The following PRR14L variants were observed in gnomAD, a reference collection of about 807,000 sequenced individuals.
The protein encoded by PRR14L is protein PRR14L.
A neutral mutation model predicts 155.0 loss-of-function variants in PRR14L; 80 were observed. The ratio of observed to expected loss-of-function variants is 0.52; its 90% CI spans 0.43 to 0.62. PRR14L has a LOEUF of 0.62. Among genes scored for constraint, PRR14L ranks in the 20% least tolerant of loss-of-function variants. The pLI, the probability that PRR14L is intolerant of heterozygous loss-of-function variation, is 0.00. For missense variants in PRR14L, 2,469 were observed against 2,548.0 expected, an observed-to-expected ratio of 0.97 and a Z score of 0.67; for synonymous variants, 883 against 916.0, an observed-to-expected ratio of 0.96 and a Z score of 0.65.
intron 7 of PRR14L, among the ~76,000 whole-genome samples, chr22:31,690,612 G>A (rs2074506169): frequency 6.6e-6 from 1 of 151,908 alleles, no homozygotes; most frequent in East Asian, 1.9e-4. Flanking sequence ...AGCTTCCCAA[G>A]TAGCTGGGAC....
chr22:31,718,640 TCTC>T (rs1329444701), intron 3 of PRR14L, among the ~76,000 whole-genome samples: 3 of 152,142 alleles, frequency 2.0e-5, no homozygotes, highest in Non-Finnish European at 2.9e-5. Flanking sequence ...CCTCAGGTGA[TCTC>T]CTATTAGTTC....
At chr22:31,698,998 T>C (rs1013783768) in intron 7 of PRR14L, among the ~76,000 whole-genome samples, 8 of 152,148 alleles carry the variant, frequency 5.3e-5, no homozygotes, top group Admixed American at 5.2e-4. Flanking sequence ...CTTTCTACCA[T>C]ACTCCTCACT....
Position 31,701,812 on chromosome 22 carries a change from T to C in PRR14L, c.6001-50A>G, listed in dbSNP as rs775199773. On this transcript the variant is annotated intron_variant, in intron 6 of 8. Transcript: ENST00000327423. ...GATGGTCAAGCTGTAAGACATTTTA[T>C]TTATATATTTTTTGAGACAAGGTCT... The C allele has an allele frequency of 2.1e-6, 3 of 1,444,100 alleles. No individual in the cohort carries two copies. The African/African-American group carries it at 4.3e-5, about 21-fold the overall frequency. 89.5% of individuals were successfully genotyped at this position (1,444,100 alleles called of 1,614,324 possible). A position where few individuals can be genotyped will look rare whatever the true frequency, so the allele number is the denominator to read the frequency against.
chr22:31,743,197 G>A (rs780052116), intron 1 of PRR14L, among the ~76,000 whole-genome samples: 6 of 152,120 alleles, frequency 3.9e-5, no homozygotes, highest in Non-Finnish European at 7.3e-5. Flanking sequence ...AGCTGCTCTG[G>A]AGGCTGAGGC....
intron 5 of PRR14L, chr22:31,704,443 T>TA: frequency 2.6e-6 from 1 of 392,036 alleles, no homozygotes; most frequent in African/African-American, 2.1e-5. Context: ...TTTTTTTTTT[T>TA]AACAAATTGT....
At position 31,713,247 on chromosome 22, in the gene PRR14L, T is replaced by C. The variant is rs1173599873; in HGVS notation, c.4592A>G (p.Tyr1531Cys). The C allele has an allele frequency of 2.6e-6, 4 of 1,552,000 alleles. No individual in the cohort carries two copies. In the South Asian group the frequency reaches 3.6e-5, roughly 14 times the overall value. ...QPHRTCKKVS[Y>C]QEQIIVGRKI... The stretch of plus-strand genomic sequence containing the variant: ...TCTCCCAACAATGATTTGCTCCTGA[T>C]AGGAAACTTTCTTACAAGTTCGATG... Residue 1531 changes from tyrosine to cysteine, a missense_variant, in exon 4 of 9, where the codon TAT (tyrosine) becomes TGT (cysteine). Around this residue, in one of 2 missense-constraint regions of PRR14L, gnomAD observed 2,363 missense variants for 2,371.6 expected, o/e 1.00. Coordinates refer to ENST00000327423, the MANE Select transcript of PRR14L (RefSeq NM_173566.3).
chr22:31,698,082 T>C (rs182799323), intron 7 of PRR14L, among the ~76,000 whole-genome samples: 4 of 149,050 alleles, frequency 2.7e-5, no homozygotes, highest in African/African-American at 7.4e-5. Flanking sequence ...TGAGATGGAG[T>C]GGCTCAATCA....
chr22:31,714,648 A>C lies in PRR14L; in HGVS notation c.3191T>G (p.Leu1064Arg), dbSNP rs775687504. 2.6e-4 allele frequency: 410 copies of C among 1,552,066 alleles called. No individual in the cohort carries two copies. The highest frequency in any genetic ancestry group is 3.4e-4 in the Non-Finnish European group (392 of 1,147,098). Residue 1064 changes from leucine (L) to arginine (R), a missense_variant, in exon 4 of 9, where the codon CTT (leucine) becomes CGT (arginine). Leu to Arg is a moderately radical substitution (Grantham distance 102). Transcript: ENST00000327423. ...DIVYTDCSNK[L>R]AEGVLDVKAS... is the part of the protein sequence containing the mutation. ...CTTCACGTCCAGCACACCTTCTGCAAGCTTATTACTACAGTCCGTGTAGAC... is the reference window on the plus strand; with the variant it reads ...CTTCACGTCCAGCACACCTTCTGCACGCTTATTACTACAGTCCGTGTAGAC...
intron 7 of PRR14L, among the ~76,000 whole-genome samples, chr22:31,693,178 T>C (rs939622061): frequency 2.6e-5 from 4 of 152,156 alleles, no homozygotes; most frequent in South Asian, 4.1e-4. Flanking sequence ...CATAATGCCA[T>C]GTATCCCTCA....
At chr22:31,686,583 T>C (rs1373539175) in intron 8 of PRR14L, among the ~76,000 whole-genome samples, 1 of 151,996 alleles carries the variant, frequency 6.6e-6, no homozygotes, top group East Asian at 1.9e-4. Context: ...TGTACCACCA[T>C]GTCTGGCTAA....
At chr22:31,736,232 A>T (rs865890921) in intron 2 of PRR14L, among the ~76,000 whole-genome samples, 41 of 151,428 alleles carry the variant, frequency 2.7e-4, no homozygotes, top group African/African-American at 9.5e-4. Flanking sequence ...AAAAAAAAAA[A>T]AAAATTAGCC....
At chr22:31,737,268 G>A (rs1237895900) in intron 2 of PRR14L, among the ~76,000 whole-genome samples, 2 of 151,734 alleles carry the variant, frequency 1.3e-5, no homozygotes, top group African/African-American at 2.4e-5. Context: ...ATCACCTGAG[G>A]TCAGGGGTTC....
At chr22:31,729,368 C>A in intron 2 of PRR14L, among the ~76,000 whole-genome samples, 1 of 152,236 alleles carries the variant, frequency 6.6e-6, no homozygotes, top group East Asian at 1.9e-4. Flanking sequence ...CCCGCCACTA[C>A]GCCCGGCTAA....
chr22:31,732,355 C>G (rs1452208536), intron 2 of PRR14L, among the ~76,000 whole-genome samples: 1 of 152,154 alleles, frequency 6.6e-6, no homozygotes, highest in Non-Finnish European at 1.5e-5. Context: ...GGAGTTTCCA[C>G]CATTCCCTAA....
At chr22:31,687,111 C>T (rs1443009462) in intron 8 of PRR14L, among the ~76,000 whole-genome samples, 9 of 152,102 alleles carry the variant, frequency 5.9e-5, no homozygotes, top group Non-Finnish European at 5.9e-5. Flanking sequence ...GATCTCGGCT[C>T]ACTGCAACCT....
At position 31,714,997 on chromosome 22, in the gene PRR14L, C is replaced by A. The variant is rs1473778994; in HGVS notation, c.2842G>T (p.Val948Phe). The A allele has an allele frequency of 6.4e-7, 1 of 1,552,106 alleles. No individual in the cohort carries two copies. The highest frequency in any genetic ancestry group is 2.4e-5 in the East Asian group (1 of 40,928). Residue 948 changes from valine (V) to phenylalanine (F), a missense_variant, in exon 4 of 9, where the codon GTT (valine) becomes TTT (phenylalanine). This residue lies in a region of PRR14L where 2,363 missense variants were observed against 2,371.6 expected (regional missense o/e 1.00). Coordinates refer to ENST00000327423, the MANE Select transcript of PRR14L (RefSeq NM_173566.3). ...ACATTTTTAAAACTGGAGAACATAACAGTAGGAGACTGGTCCAACACTTTT... is the reference window on the plus strand; with the variant it reads ...ACATTTTTAAAACTGGAGAACATAAAAGTAGGAGACTGGTCCAACACTTTT... Reference protein sequence around the residue: ...PEKVLDQSPTVMFSSFKNVKS... With the variant: ...PEKVLDQSPTFMFSSFKNVKS...
At chr22:31,731,765 C>T (rs1459508759) in intron 2 of PRR14L, among the ~76,000 whole-genome samples, 2 of 151,944 alleles carry the variant, frequency 1.3e-5, no homozygotes, top group Admixed American at 1.3e-4. Context: ...CTAAGTCCTA[C>T]CCCTGTGAGA....
Position 31,712,572 on chromosome 22 carries a change from G to A in PRR14L, c.5267C>T (p.Pro1756Leu), listed in dbSNP as rs1383797537. Residue 1756 changes from proline to leucine, a missense_variant, in exon 4 of 9, where the codon CCG becomes CTG. Physicochemically the swap from Pro to Leu is moderately conservative, Grantham distance 98. Around this residue, in one of 2 missense-constraint regions of PRR14L, gnomAD observed 2,363 missense variants for 2,371.6 expected, o/e 1.00. Transcript: ENST00000327423. ...AAAGGTCCACTTGGGAGGTTGAGAC[G>A]GGCACTGGAGGGCCTCTCCTAAGGC... ...RLALGEALQCPSQPPKWTFSF... is the reference protein window; with the variant it reads ...RLALGEALQCLSQPPKWTFSF... The A allele has an allele frequency of 5.8e-6, 9 of 1,551,562 alleles. No individual in the cohort carries two copies. In the African/African-American group the frequency reaches 6.8e-5, roughly 12 times the overall value.
Position 31,685,462 on chromosome 22 carries a change from AAAAAC to A in PRR14L, c.*60_*64del. The A allele has an allele frequency of 7.1e-7, 1 of 1,414,130 alleles. No homozygotes were observed. The highest frequency in any genetic ancestry group is 1.5e-5 in the African/African-American group (1 of 68,478). The allele number at this position is 1,414,130 out of a possible 1,614,324, so 87.6% of individuals were successfully genotyped here. On this transcript the variant is annotated 3_prime_UTR_variant, in exon 9 of 9. Coordinates refer to ENST00000327423, the MANE Select transcript of PRR14L (RefSeq NM_173566.3). ...TTCCAAGGAGGTCCAAAAAAAAAAAAAAAACCCAAAAACAAAACAAAACAAAAAAA... is the reference window on the plus strand; with the variant it reads ...TTCCAAGGAGGTCCAAAAAAAAAAAACCAAAAACAAAACAAAACAAAAAAA...
Sources: gnomAD v4.1 joint callset for allele counts (sites outside exome capture counted in the v4.1 genomes callset) on GRCh38, gnomAD v4.1.1 for gene constraint, gnomAD v4.1.1 regional missense constraint, MANE v1.5 for transcripts, NCBI Gene and HGNC (gene_info 2026-07-23, HGNC 2026-07-21) for gene names.